MTCL1: variants seen among roughly 807,000 people sequenced by gnomAD.
The protein encoded by MTCL1 is microtubule crosslinking factor 1, also known as microtubule cross-linking factor 1.
In MTCL1, 79 loss-of-function variants were observed where a neutral mutation model predicts 141.4. That is an observed-to-expected ratio of 0.56 (90% CI 0.47 to 0.67). MTCL1 has a LOEUF of 0.67. MTCL1 is among the 30% of genes least tolerant of loss of function. The pLI, the probability that MTCL1 is intolerant of heterozygous loss-of-function variation, is 0.00. For synonymous variants in MTCL1, 914 were observed against 875.8 expected (o/e 1.04, Z -0.77); for missense variants, 2,177 against 2,113.9 (o/e 1.03, Z -0.59).
In MTCL1 at chr18:8,779,614, C is replaced by T. The variant is rs2143379859; in HGVS notation, c.417+1722C>T. On this transcript the variant is annotated intron_variant, in intron 5 of 16. Transcript: ENST00000359865. The surrounding 1 kb of genome is among the most constrained non-coding windows in gnomAD (Gnocchi z 4.1). ...CACAACACCCGGCAGGTGCAGCGGG[C>T]CCTGCTCCAGCTGCCTCGACCTCAC... is the stretch of plus-strand genomic sequence containing the variant. Among the ~76,000 whole-genome samples, 1 of 152,246 alleles carries T rather than the reference C, an allele frequency of 6.6e-6. No individual in the cohort carries two copies. The highest frequency in any genetic ancestry group is 1.5e-5 in the Non-Finnish European group (1 of 68,020).
chr18:8,729,304 C>G (rs780420757), intron 4 of MTCL1, among the ~76,000 whole-genome samples: 1 of 151,964 alleles, frequency 6.6e-6, no homozygotes, highest in Admixed American at 6.6e-5. Flanking sequence ...GATCCTCCTG[C>G]CTTAGCCTCC....
In MTCL1 at chr18:8,797,014, C is replaced by T. The variant is rs114014530; in HGVS notation, c.2241+552C>T. ...AGAAATGGAAATGCAGCAGCTTGTC[C>T]AGTTATATATGAAACCAAGAATTCT... On this transcript the variant is annotated intron_variant, in intron 9 of 16. Coordinates refer to ENST00000359865, the Ensembl canonical transcript of MTCL1. 9.6e-3 allele frequency among the ~76,000 whole-genome samples: 1,468 copies of T among 152,252 alleles called. 24 individuals carry two copies. Among genetic ancestry groups the T allele is most frequent in the African/African-American group, 0.034 (1,403 of 41,524 alleles).
At chr18:8,773,234 C>G (rs142906815) in intron 4 of MTCL1, among the ~76,000 whole-genome samples, 1 of 152,110 alleles carries the variant, frequency 6.6e-6, no homozygotes, top group African/African-American at 2.4e-5. Flanking sequence ...CCAAGTTGCA[C>G]CACCATCCCC....
chr18:8,831,476 T>A, intron 16 of MTCL1, 131 bp from the exon 15 acceptor site: 1 of 1,448,154 alleles, frequency 6.9e-7, no homozygotes, highest in Non-Finnish European at 9.1e-7. Context: ...TAGAAAGTAG[T>A]TAATATTCAC....
intron 15 of MTCL1, 110 bp downstream of exon 14, chr18:8,826,342 A>G (rs551849572): frequency 1.5e-4 from 160 of 1,092,110 alleles, no homozygotes; most frequent in Middle Eastern, 1.1e-3. Context: ...GGAATCGTCC[A>G]TGATTGGTTA....
At chr18:8,768,010 ATTT>A (rs2096467226) in intron 4 of MTCL1, among the ~76,000 whole-genome samples, 1 of 152,230 alleles carries the variant, frequency 6.6e-6, no homozygotes, top group South Asian at 2.1e-4. Context: ...AGTAATCACG[ATTT>A]TTAATGGCTA....
At chr18:8,731,177 A>G (rs984244389) in intron 4 of MTCL1, among the ~76,000 whole-genome samples, 4 of 152,132 alleles carry the variant, frequency 2.6e-5, no homozygotes, top group Non-Finnish European at 5.9e-5. Context: ...CCCGGGAGTC[A>G]GAGCTTGCAG....
chr18:8,796,201 T>C lies in MTCL1; in HGVS notation c.2011-31T>C, dbSNP rs566073918. 4.3e-6 allele frequency: 7 copies of C among 1,610,148 alleles called. No individual in the cohort carries two copies. In the East Asian group the frequency reaches 1.3e-4, roughly 31 times the overall value. ...TTGGGTGGCGGATTGGATTAGCTGC[T>C]TGTCACACTGTCTCTCTTATTCCAT... On this transcript the variant is annotated intron_variant, in intron 8 of 16. Transcript: ENST00000359865.
intron 12 of MTCL1, among the ~76,000 whole-genome samples, chr18:8,814,904 A>G (rs1344319206): frequency 6.6e-6 from 1 of 152,374 alleles, no homozygotes; most frequent in East Asian, 1.9e-4. Context: ...AAGAATTTCT[A>G]GTAAAGGAAA....
chr18:8,733,672 C>T (rs1399096318), intron 4 of MTCL1, among the ~76,000 whole-genome samples: 2 of 152,240 alleles, frequency 1.3e-5, no homozygotes, highest in East Asian at 1.9e-4. Flanking sequence ...TCTCAAAGTG[C>T]TGGGATTACA....
At chr18:8,741,718 A>T (rs921098234) in intron 4 of MTCL1, among the ~76,000 whole-genome samples, 1 of 152,196 alleles carries the variant, frequency 6.6e-6, no homozygotes, top group East Asian at 1.9e-4. Flanking sequence ...GTAAATGATG[A>T]TGTGCTTGCT....
At chr18:8,766,821 C>T (rs2096462028) in intron 4 of MTCL1, among the ~76,000 whole-genome samples, 1 of 152,182 alleles carries the variant, frequency 6.6e-6, no homozygotes, top group Non-Finnish European at 1.5e-5. Flanking sequence ...GCCCTATGCC[C>T]ATCCTTAGTC....
chr18:8,729,225 TC>T (rs2096236939), intron 4 of MTCL1, among the ~76,000 whole-genome samples: 1 of 128,744 alleles, frequency 7.8e-6, no homozygotes, highest in South Asian at 2.6e-4. Context: ...CCAGCTAATT[TC>T]CGTATTTTTT....
intron 4 of MTCL1, among the ~76,000 whole-genome samples, chr18:8,774,532 G>T (rs1400832399): frequency 6.6e-6 from 1 of 151,752 alleles, no homozygotes; most frequent in Admixed American, 6.6e-5. Context: ...CTGTTGCCCA[G>T]GCTGGAGTGC....
intron 13 of MTCL1, among the ~76,000 whole-genome samples, chr18:8,820,494 A>G (rs187356478): frequency 6.6e-6 from 1 of 152,322 alleles, no homozygotes; most frequent in East Asian, 1.9e-4. Context: ...CTAAACACTC[A>G]AGACTTAGAA....
In MTCL1 at chr18:8,826,104, C is replaced by T. The variant is rs780960946; in HGVS notation, c.4594C>T (p.Arg1532Trp). Residue 1532 changes from arginine to tryptophan, a missense_variant, in exon 15 of 17, where the codon CGG becomes TGG. By Grantham distance (101) the Arg-to-Trp change is moderately radical. Coordinates refer to ENST00000359865, the Ensembl canonical transcript of MTCL1. ...CTACACGCTCACTGAGAACGTGGCC[C>T]GGATCCTCAACAAGAAGCTGCTGGA... The T allele has an allele frequency of 1.6e-5, 26 of 1,612,098 alleles. No individual in the cohort carries two copies. Among genetic ancestry groups the T allele is most frequent in the Admixed American group, 8.4e-5 (5 of 59,760 alleles).
At chr18:8,720,389 G>A (rs1222468459) in exon 4 of MTCL1, 1 of 1,614,164 alleles carries the variant, frequency 6.2e-7, no homozygotes, top group South Asian at 1.1e-5. Flanking sequence ...GACGGTGGAG[G>A]AAAAGCGCGC....
chr18:8,831,686 C>A (rs748669163), exon 17 of MTCL1: 1 of 1,550,602 alleles, frequency 6.4e-7, no homozygotes, highest in South Asian at 1.2e-5. Context: ...CGTCGCCCTC[C>A]GTCCCGTTGG....
chr18:8,732,888 A>G (rs1441846113), intron 4 of MTCL1, among the ~76,000 whole-genome samples: 1 of 152,236 alleles, frequency 6.6e-6, no homozygotes, highest in Non-Finnish European at 1.5e-5. Context: ...GACCTTCAGC[A>G]GTGTTCCTGG....
Sources: allele counts gnomAD v4.1 joint callset (sites outside exome capture counted in the v4.1 genomes callset), GRCh38; gene constraint gnomAD v4.1.1; non-coding constraint Gnocchi (gnomAD v3.1); transcripts MANE v1.5; gene names NCBI Gene and HGNC (gene_info 2026-07-23, HGNC 2026-07-21).